The following EPHB1 variants were observed in gnomAD, a reference collection of about 807,000 sequenced individuals.
EPHB1 encodes ephrin type-B receptor 1.
A neutral mutation model predicts 94.4 loss-of-function variants in EPHB1; 30 were observed. The ratio of observed to expected loss-of-function variants is 0.32; its 90% CI spans 0.24 to 0.43. The LOEUF (loss-of-function observed/expected upper bound fraction) is 0.43, where lower values mean the gene tolerates loss of function less well. Among genes scored for constraint, EPHB1 ranks in the 20% least tolerant of loss-of-function variants. The pLI is 1.00. For synonymous variants in EPHB1, 522 were observed against 489.1 expected (o/e 1.07, Z -0.89); for missense variants, 1,055 against 1,308.3 (o/e 0.81, Z 2.99).
chr3:134,827,220 A>T (rs549026795), intron 1 of EPHB1, among the ~76,000 whole-genome samples: 21 of 152,350 alleles, frequency 1.4e-4, no homozygotes, highest in Admixed American at 5.9e-4. Flanking sequence ...CACAATTACT[A>T]TATGGTAATG....
chr3:134,865,517 C>T (rs756526743), intron 1 of EPHB1, among the ~76,000 whole-genome samples: 3 of 151,988 alleles, frequency 2.0e-5, no homozygotes, highest in Non-Finnish European at 4.4e-5. Flanking sequence ...TATACTTGTA[C>T]AAAATTATAT....
At chr3:134,868,748 A>G (rs2037435034) in intron 1 of EPHB1, among the ~76,000 whole-genome samples, 2 of 152,248 alleles carry the variant, frequency 1.3e-5, no homozygotes, top group African/African-American at 4.8e-5. Flanking sequence ...GCACCAAATT[A>G]TGGGAAAAAA....
chr3:134,946,010 G>C (rs928089713), intron 2 of EPHB1, among the ~76,000 whole-genome samples: 36 of 152,248 alleles, frequency 2.4e-4, no homozygotes, highest in African/African-American at 8.7e-4. Flanking sequence ...CCAAAGCCTT[G>C]TTGGCGAGGC....
intron 1 of EPHB1, among the ~76,000 whole-genome samples, chr3:134,861,207 G>A (rs2037249678): frequency 6.6e-6 from 1 of 152,274 alleles, no homozygotes. Flanking sequence ...GTGTTGGGGG[G>A]CAGGAAATAT....
At chr3:134,983,386 G>A (rs1934481302) in intron 3 of EPHB1, among the ~76,000 whole-genome samples, 2 of 152,258 alleles carry the variant, frequency 1.3e-5, no homozygotes, top group South Asian at 4.1e-4. Context: ...AGTTCTGCAT[G>A]TGTGACTAAT....
At chr3:134,840,723 T>A (rs541886012) in intron 1 of EPHB1, among the ~76,000 whole-genome samples, 2 of 152,208 alleles carry the variant, frequency 1.3e-5, no homozygotes, top group Non-Finnish European at 2.9e-5. Flanking sequence ...TTGGTGAGAA[T>A]GTTGCAATCT....
At chr3:135,148,371 C>T (rs1941083618) in intron 5 of EPHB1, among the ~76,000 whole-genome samples, 1 of 152,176 alleles carries the variant, frequency 6.6e-6, no homozygotes, top group South Asian at 2.1e-4. Context: ...AGTAAAACTC[C>T]TGCACATCAG....
At chr3:134,919,976 C>T (rs2038650508) in intron 1 of EPHB1, among the ~76,000 whole-genome samples, 1 of 152,074 alleles carries the variant, frequency 6.6e-6, no homozygotes, top group Admixed American at 6.5e-5. Context: ...GTTCCAGCTG[C>T]CTACCAGGCT....
intron 4 of EPHB1, among the ~76,000 whole-genome samples, chr3:135,125,120 G>A (rs1215555881): frequency 6.6e-6 from 1 of 151,640 alleles, no homozygotes; most frequent in Non-Finnish European, 1.5e-5. Flanking sequence ...GCTATTGAGA[G>A]GTGGATGTCT....
At chr3:135,096,468 A>G (rs984810227) in intron 3 of EPHB1, among the ~76,000 whole-genome samples, 1 of 152,208 alleles carries the variant, frequency 6.6e-6, no homozygotes, top group Non-Finnish European at 1.5e-5. Flanking sequence ...GTAGGCCTGG[A>G]GGAGGATCTG....
intron 1 of EPHB1, among the ~76,000 whole-genome samples, chr3:134,911,242 T>G (rs558636137): frequency 2.0e-5 from 3 of 151,928 alleles, no homozygotes; most frequent in South Asian, 4.2e-4. Flanking sequence ...TGGGTGAGAG[T>G]GAAGATCCTG....
intron 3 of EPHB1, among the ~76,000 whole-genome samples, chr3:135,067,025 A>C (rs75176159): frequency 0.015 from 2,258 of 152,274 alleles, 59 homozygotes; most frequent in African/African-American, 0.052. Flanking sequence ...GTCTGCACAG[A>C]GTCCTGTGAT....
At chr3:134,907,436 A>G (rs1468595212) in intron 1 of EPHB1, among the ~76,000 whole-genome samples, 3 of 152,376 alleles carry the variant, frequency 2.0e-5, no homozygotes, top group Non-Finnish European at 4.4e-5. Flanking sequence ...AACACAGCTC[A>G]GTTGTCTCTG....
intron 3 of EPHB1, among the ~76,000 whole-genome samples, chr3:134,964,007 C>A (rs1933630257): frequency 6.6e-6 from 1 of 152,164 alleles, no homozygotes; most frequent in African/African-American, 2.4e-5. Flanking sequence ...CATTCCCGTT[C>A]CTCTACTCCC....
intron 1 of EPHB1, among the ~76,000 whole-genome samples, chr3:134,834,605 G>A (rs538656248): frequency 1.3e-5 from 2 of 152,268 alleles, no homozygotes; most frequent in South Asian, 4.1e-4. Context: ...ATCTTTTTAT[G>A]TTCAGGACAT....
At chr3:135,187,008 T>TG (rs1375717036) in intron 10 of EPHB1, among the ~76,000 whole-genome samples, 1 of 152,188 alleles carries the variant, frequency 6.6e-6, no homozygotes, top group Admixed American at 6.5e-5. Context: ...AGGTGGGTTT[T>TG]GGGAAAGTGC....
At chr3:135,204,421 G>A (rs1217752328) in intron 12 of EPHB1, among the ~76,000 whole-genome samples, 1 of 152,064 alleles carries the variant, frequency 6.6e-6, no homozygotes. Flanking sequence ...GGCCAGGCTG[G>A]TCTCGAACTC....
chr3:135,032,268 T>C (rs1936499719), intron 3 of EPHB1, among the ~76,000 whole-genome samples: 1 of 147,222 alleles, frequency 6.8e-6, no homozygotes, highest in Non-Finnish European at 1.5e-5. Context: ...ATCTCTTTTT[T>C]CTATCTCTGA....
At chr3:135,138,887 G>A (rs1056444147) in intron 5 of EPHB1, among the ~76,000 whole-genome samples, 1 of 152,184 alleles carries the variant, frequency 6.6e-6, no homozygotes, top group Admixed American at 6.5e-5. Context: ...GAAAGGCCCT[G>A]GCCATTTGCA....
Sources: gnomAD v4.1 joint callset for allele counts (sites outside exome capture counted in the v4.1 genomes callset) on GRCh38, gnomAD v4.1.1 for gene constraint, MANE v1.5 for transcripts, NCBI Gene and HGNC (gene_info 2026-07-23, HGNC 2026-07-21) for gene names.